Variants in TLL1 observed in about 807,000 individuals in gnomAD.
The protein encoded by TLL1 is tolloid like 1, also known as tolloid-like protein 1.
A neutral mutation model predicts 128.2 loss-of-function variants in TLL1; 49 were observed. The ratio of observed to expected loss-of-function variants is 0.38; its 90% CI spans 0.30 to 0.48. The LOEUF (loss-of-function observed/expected upper bound fraction) is 0.48. Ranked by LOEUF, TLL1 falls within the 20% of genes least tolerant of loss-of-function variation. The probability of loss-of-function intolerance (pLI) is 0.96; values close to 1 mark genes in which losing one functional copy is unlikely to be tolerated. For missense variants in TLL1, 1,123 were observed against 1,242.0 expected, an observed-to-expected ratio of 0.90 and a Z score of 1.44; for synonymous variants, 454 against 418.8, an observed-to-expected ratio of 1.08 and a Z score of -1.03.
intron 1 of TLL1, among the ~76,000 whole-genome samples, chr4:165,905,414 T>A (rs192613759): frequency 6.6e-6 from 1 of 152,342 alleles, no homozygotes; most frequent in East Asian, 1.9e-4. Flanking sequence ...ATGTTGGATT[T>A]TAATTGAACA....
chr4:166,061,774 A>G (rs1212710252), intron 15 of TLL1, among the ~76,000 whole-genome samples: 1 of 152,054 alleles, frequency 6.6e-6, no homozygotes, highest in East Asian at 1.9e-4. Flanking sequence ...TTGGTGTTTT[A>G]TTCATGAAGT....
chr4:166,046,723 A>C (rs1385071621), intron 12 of TLL1, among the ~76,000 whole-genome samples: 1 of 152,168 alleles, frequency 6.6e-6, no homozygotes, highest in Admixed American at 6.5e-5. Flanking sequence ...GTTGGGTAAG[A>C]GTTCAGTATT....
At chr4:166,034,016 C>T (rs1015846828) in intron 9 of TLL1, among the ~76,000 whole-genome samples, 5 of 152,060 alleles carry the variant, frequency 3.3e-5, no homozygotes, top group South Asian at 2.1e-4. Flanking sequence ...GGAGTGAATT[C>T]GCAGTAGTGT....
intron 1 of TLL1, among the ~76,000 whole-genome samples, chr4:165,903,484 C>G (rs1269036913): frequency 1.4e-5 from 2 of 142,126 alleles, no homozygotes; most frequent in African/African-American, 5.3e-5. Flanking sequence ...ACAATCTTGG[C>G]TCACTGCAAC....
intron 10 of TLL1, 40 bp from the exon 11 acceptor site, chr4:166,041,987 C>T (rs779460204): frequency 7.5e-7 from 1 of 1,336,502 alleles, no homozygotes; most frequent in Non-Finnish European, 1.1e-6. Flanking sequence ...AATATAGAGT[C>T]CTATTTAGGA....
intron 1 of TLL1, among the ~76,000 whole-genome samples, chr4:165,967,429 A>C (rs1218561372): frequency 1.3e-5 from 2 of 152,202 alleles, no homozygotes; most frequent in African/African-American, 4.8e-5. Flanking sequence ...AAATCTTCAC[A>C]ATTTATGTTC....
intron 7 of TLL1, among the ~76,000 whole-genome samples, chr4:166,013,669 A>G (rs1415144809): frequency 1.3e-5 from 2 of 151,912 alleles, no homozygotes; most frequent in South Asian, 2.1e-4. Context: ...AATATTTGAC[A>G]TACATTTAAA....
intron 7 of TLL1, among the ~76,000 whole-genome samples, chr4:166,011,919 G>A (rs1737712746): frequency 6.6e-6 from 1 of 151,328 alleles, no homozygotes; most frequent in South Asian, 2.1e-4. Context: ...TTCTGTTAAT[G>A]TAGGTATTTG....
rs76100361 is a variant in TLL1, at chr4:165,920,257, T to C, written c.169+46184T>C. Among the ~76,000 whole-genome samples the C allele has an allele frequency of 2.6e-4, 40 of 152,330 alleles. 1 individual carries two copies. The East Asian group carries it at 4.4e-3, about 17-fold the overall frequency. The stretch of plus-strand genomic sequence containing the variant: ...TAGAAAGTCTAATTTAAAAATTACT[T>C]GGACTTTATAGCTAAGTAGAGAGCT... On this transcript the variant is annotated intron_variant, in intron 1 of 20. Transcript: ENST00000061240.
At chr4:165,939,323 A>G (rs72970197) in intron 1 of TLL1, among the ~76,000 whole-genome samples, 5,495 of 152,144 alleles carry the variant, frequency 0.036, 300 homozygotes, top group African/African-American at 0.12. Context: ...GAATCTTACT[A>G]ATGACTATGC....
At chr4:165,980,921 A>T (rs1736121535) in intron 1 of TLL1, among the ~76,000 whole-genome samples, 3 of 152,108 alleles carry the variant, frequency 2.0e-5, no homozygotes, top group African/African-American at 2.4e-5. Flanking sequence ...ACAGTTTTTT[A>T]AAAATTCTGT....
intron 6 of TLL1, among the ~76,000 whole-genome samples, chr4:166,003,944 G>T (rs374470501): frequency 1.3e-5 from 2 of 151,920 alleles, no homozygotes; most frequent in African/African-American, 4.8e-5. Context: ...TTTTAAAAAG[G>T]CCTGGGGTTT....
chr4:165,885,473 A>G (rs1460196310), intron 1 of TLL1, among the ~76,000 whole-genome samples: 3 of 152,076 alleles, frequency 2.0e-5, no homozygotes, highest in Non-Finnish European at 4.4e-5. Context: ...CATGGCAGCC[A>G]CCATAGGCCC....
In TLL1 at chr4:165,873,826, C is replaced by A; in HGVS notation, c.-79C>A. ...GGGTGGGGAGAAGAGCACCGGTGCC[C>A]CTAGCCCCGCACATCAGCGCGGACC... On this transcript the variant is annotated 5_prime_UTR_variant, in exon 1 of 21. Coordinates refer to ENST00000061240, the MANE Select transcript of TLL1 (RefSeq NM_012464.5). The A allele has an allele frequency of 6.4e-7, 1 of 1,558,636 alleles. No individual in the cohort carries two copies. Among genetic ancestry groups the A allele is most frequent in the African/African-American group, 1.4e-5 (1 of 73,852 alleles).
At chr4:166,027,885 T>C (rs1380879731) in intron 9 of TLL1, among the ~76,000 whole-genome samples, 1 of 152,154 alleles carries the variant, frequency 6.6e-6, no homozygotes, top group Non-Finnish European at 1.5e-5. Context: ...TTTATTTTTC[T>C]TGTATGTATG....
At chr4:165,936,372 A>C (rs1422932780) in intron 1 of TLL1, among the ~76,000 whole-genome samples, 1 of 151,376 alleles carries the variant, frequency 6.6e-6, no homozygotes, top group African/African-American at 2.4e-5. Context: ...GGCATGCGCC[A>C]CCATGTCTGG....
chr4:165,905,286 T>C (rs1413286967), intron 1 of TLL1, among the ~76,000 whole-genome samples: 4 of 152,202 alleles, frequency 2.6e-5, no homozygotes, highest in African/African-American at 9.7e-5. Flanking sequence ...AGTCCCAAAT[T>C]GGAAACAACC....
intron 1 of TLL1, among the ~76,000 whole-genome samples, chr4:165,957,714 TTTA>T (rs1053212788): frequency 1.3e-5 from 2 of 150,972 alleles, no homozygotes; most frequent in African/African-American, 4.9e-5. Context: ...TTTTTTTTTT[TTTA>T]AATTATTATT....
At position 165,875,972 on chromosome 4, in the gene TLL1, T is replaced by C. The variant is rs76846162; in HGVS notation, c.169+1899T>C. ...CCTTTGATGCTGGTTTATTTTTGAA[T>C]ATAGCTGTTGAAAATAAAGCAACAA... On this transcript the variant is annotated intron_variant, in intron 1 of 20. Transcript: ENST00000061240. Among the ~76,000 whole-genome samples, 503 of 152,304 alleles carry C rather than the reference T, an allele frequency of 3.3e-3. 2 individuals are homozygous for C. Among genetic ancestry groups the C allele is most frequent in the African/African-American group, 0.012 (481 of 41,570 alleles).
Sources: gnomAD v4.1 joint callset for allele counts (sites outside exome capture counted in the v4.1 genomes callset) on GRCh38, gnomAD v4.1.1 for gene constraint, MANE v1.5 for transcripts, NCBI Gene and HGNC (gene_info 2026-07-23, HGNC 2026-07-21) for gene names.